The following RBFOX1 variants were observed in gnomAD, a reference collection of about 807,000 sequenced individuals.
RBFOX1 encodes the protein RNA binding fox-1 homolog 1.
In RBFOX1, 8 loss-of-function variants were observed where a neutral mutation model predicts 57.7. The observed-to-expected ratio is 0.14, with a 90% CI of 0.08 to 0.25. The LOEUF (loss-of-function observed/expected upper bound fraction) is 0.25, where lower values mean the gene tolerates loss of function less well. RBFOX1 is among the 10% of genes least tolerant of loss of function. The pLI, the probability that RBFOX1 is intolerant of heterozygous loss-of-function variation, is 1.00. For synonymous variants in RBFOX1, 326 were observed against 222.4 expected, an observed-to-expected ratio of 1.47 and a Z score of -4.15; for missense variants, 611 against 548.5, an observed-to-expected ratio of 1.11 and a Z score of -1.14.
At chr16:5,987,722 T>C (rs2152316272) in intron 4 of RBFOX1, among the ~76,000 whole-genome samples, 1 of 152,306 alleles carries the variant, frequency 6.6e-6, no homozygotes, top group Non-Finnish European at 1.5e-5. Flanking sequence ...TCCAGCTCTC[T>C]TTTTTAAAAG....
chr16:5,582,572 T>TTTTTTTTTTTTTTTTTTTTTTTTG (rs369563835), intron 2 of RBFOX1, among the ~76,000 whole-genome samples: 1 of 106,058 alleles, frequency 9.4e-6, no homozygotes, highest in Non-Finnish European at 1.9e-5. Flanking sequence ...TTTTTTTTTT[T>TTTTTTTTTTTTTTTTTTTTTTTTG]AAACGGAGTC....
intron 3 of RBFOX1, among the ~76,000 whole-genome samples, chr16:6,685,662 T>C (rs2059346349): frequency 6.6e-6 from 1 of 152,082 alleles, no homozygotes; most frequent in Non-Finnish European, 1.5e-5. Flanking sequence ...TCATCCATAC[T>C]TATTGTAGAA....
chr16:7,600,409 C>T (rs1169909510), intron 9 of RBFOX1, among the ~76,000 whole-genome samples: 1 of 152,166 alleles, frequency 6.6e-6, no homozygotes, highest in Non-Finnish European at 1.5e-5. Flanking sequence ...ATCACCACTA[C>T]AGATAAATTC....
intron 3 of RBFOX1, among the ~76,000 whole-genome samples, chr16:6,899,341 C>T (rs187695200): frequency 6.6e-6 from 1 of 152,248 alleles, no homozygotes; most frequent in East Asian, 1.9e-4. Flanking sequence ...ATTCCATTTT[C>T]TATTTAGCAT....
intron 4 of RBFOX1, among the ~76,000 whole-genome samples, chr16:7,323,855 A>G (rs1219013163): frequency 2.0e-5 from 3 of 152,242 alleles, no homozygotes; most frequent in African/African-American, 7.2e-5. Flanking sequence ...GGTCTGATAC[A>G]TAATTCTCAA....
intron 4 of RBFOX1, among the ~76,000 whole-genome samples, chr16:7,257,366 T>A (rs1290695223): frequency 1.3e-5 from 2 of 152,148 alleles, no homozygotes; most frequent in Non-Finnish European, 2.9e-5. Context: ...TGCAACCTCA[T>A]GAGACTTGCT....
At chr16:6,990,399 C>A (rs1038977381) in intron 3 of RBFOX1, among the ~76,000 whole-genome samples, 1 of 152,042 alleles carries the variant, frequency 6.6e-6, no homozygotes, top group Non-Finnish European at 1.5e-5. Context: ...GTGGCGCATG[C>A]CTGTAATCCC....
intron 4 of RBFOX1, among the ~76,000 whole-genome samples, chr16:7,293,377 C>G (rs2141676993): frequency 6.6e-6 from 1 of 152,268 alleles, no homozygotes; most frequent in South Asian, 2.1e-4. Flanking sequence ...GGTCCTAGAA[C>G]CAATCACCCA....
intron 1 of RBFOX1, among the ~76,000 whole-genome samples, chr16:5,380,588 C>T (rs147463396): frequency 1.6e-3 from 245 of 152,336 alleles, no homozygotes; most frequent in Non-Finnish European, 2.7e-3. Context: ...GAAAGCATTG[C>T]TAATTCCCAC....
chr16:5,643,736 C>G (rs1031563615), intron 3 of RBFOX1, among the ~76,000 whole-genome samples: 1 of 152,114 alleles, frequency 6.6e-6, no homozygotes, highest in East Asian at 1.9e-4. Context: ...GATTCTTTTA[C>G]TGATTTGAGA....
chr16:5,660,740 A>G (rs987658967), intron 3 of RBFOX1, among the ~76,000 whole-genome samples: 3 of 152,164 alleles, frequency 2.0e-5, no homozygotes, highest in African/African-American at 7.2e-5. Flanking sequence ...AAATTGGGCC[A>G]TGAATGACGC....
chr16:7,502,026 C>T (rs1033056256), intron 4 of RBFOX1, among the ~76,000 whole-genome samples: 4 of 152,172 alleles, frequency 2.6e-5, no homozygotes, highest in African/African-American at 9.7e-5. Flanking sequence ...AGTTCATTGC[C>T]CTTGCTTTCT....
rs1366862814 is a variant in RBFOX1 at position 7,576,743 on chromosome 16, A to G, written c.271-3034A>G. 2.0e-5 allele frequency among the ~76,000 whole-genome samples: 3 copies of G among 152,198 alleles called. No homozygotes were observed. In the East Asian group the frequency reaches 5.8e-4, roughly 29 times the overall value. On this transcript the variant is annotated intron_variant, in intron 5 of 15. Coordinates refer to ENST00000550418, the MANE Select transcript of RBFOX1 (RefSeq NM_018723.4). Reference sequence around the variant, plus strand: ...TTAATCATAATCTCTGTAATTCCTAATTAGGTTCATTAAACTGAAACATCC... The same window carrying G: ...TTAATCATAATCTCTGTAATTCCTAGTTAGGTTCATTAAACTGAAACATCC...
At chr16:5,609,684 T>C (rs1452871892) in intron 3 of RBFOX1, among the ~76,000 whole-genome samples, 1 of 152,190 alleles carries the variant, frequency 6.6e-6, no homozygotes, top group African/African-American at 2.4e-5. Flanking sequence ...CCTTTCAGCT[T>C]GACTGTTTTT....
At chr16:6,410,303 CTT>C (rs34012786) in intron 2 of RBFOX1, among the ~76,000 whole-genome samples, 10 of 86,716 alleles carry the variant, frequency 1.2e-4, no homozygotes, top group East Asian at 5.7e-4. Context: ...ACCTAGGGTT[CTT>C]TTTTTTTTTT....
At chr16:5,703,659 T>C (rs2051133956) in intron 3 of RBFOX1, among the ~76,000 whole-genome samples, 1 of 152,224 alleles carries the variant, frequency 6.6e-6, no homozygotes, top group Non-Finnish European at 1.5e-5. Context: ...AATAGGTTAC[T>C]TAACTCTCTG....
intron 12 of RBFOX1, among the ~76,000 whole-genome samples, chr16:7,661,428 C>T (rs905323231): frequency 6.6e-6 from 1 of 152,178 alleles, no homozygotes; most frequent in Admixed American, 6.5e-5. Flanking sequence ...AGTACCCTCA[C>T]CCCACCACCC....
chr16:6,041,764 CTA>C (rs2095438998), intron 1 of RBFOX1, among the ~76,000 whole-genome samples: 1 of 152,176 alleles, frequency 6.6e-6, no homozygotes, highest in Non-Finnish European at 1.5e-5. Flanking sequence ...GGCGATGATG[CTA>C]AACATCTTCC....
intron 3 of RBFOX1, among the ~76,000 whole-genome samples, chr16:5,732,609 C>T (rs777947181): frequency 6.6e-6 from 1 of 152,212 alleles, no homozygotes; most frequent in African/African-American, 2.4e-5. Context: ...GTCTCCGTTT[C>T]TGCACTTGTA....
Sources: gnomAD v4.1 joint callset for allele counts (sites outside exome capture counted in the v4.1 genomes callset) on GRCh38, gnomAD v4.1.1 for gene constraint, MANE v1.5 for transcripts, NCBI Gene and HGNC (gene_info 2026-07-23, HGNC 2026-07-21) for gene names.